KCTD14: variants seen among roughly 807,000 people sequenced by gnomAD.
The protein encoded by KCTD14 is BTB/POZ domain-containing protein KCTD14.
Under a neutral mutation model 5.9 loss-of-function variants are expected in KCTD14, and 7 were observed. The observed-to-expected ratio is 1.19, with a 90% CI of 0.68 to 2.23. The LOEUF (loss-of-function observed/expected upper bound fraction) is 2.23, where lower values mean the gene tolerates loss of function less well. Among genes scored for constraint, KCTD14 ranks in the 30% most tolerant of loss-of-function variants. The pLI is 0.00. For synonymous variants in KCTD14, 140 were observed against 133.1 expected (o/e 1.05, Z -0.36); for missense variants, 342 against 332.2 (o/e 1.03, Z -0.23).
chr11:78,043,753 A>G (rs1177085028), intron 1 of KCTD14, among the ~76,000 whole-genome samples: 2 of 152,188 alleles, frequency 1.3e-5, no homozygotes, highest in African/African-American at 4.8e-5. Flanking sequence ...TGCAGCCCAC[A>G]TGCAGCTGAC....
chr11:78,023,434 C>T, upstream of KCTD14: 1 of 581,636 alleles, frequency 1.7e-6, no homozygotes, highest in East Asian at 3.1e-5. Flanking sequence ...GAAGGGCTGA[C>T]TTTGGAGACC....
chr11:78,040,218 T>C (rs1338294068), intron 1 of KCTD14, among the ~76,000 whole-genome samples: 4 of 152,236 alleles, frequency 2.6e-5, no homozygotes, highest in Non-Finnish European at 2.9e-5. Context: ...GTGTCATGTC[T>C]TCCTGGAATC....
At chr11:78,024,396 AAATAT>A (rs1857391622), upstream of KCTD14, among the ~76,000 whole-genome samples, 1 of 99,920 alleles carries the variant, frequency 1.0e-5, no homozygotes, top group Middle Eastern at 4.8e-3. Context: ...AAAAAAAAAA[AAATAT>A]ATATATATAT....
In KCTD14 at chr11:78,028,460, G is replaced by A. The variant is rs548634810; in HGVS notation, c.-1+10204C>T. On this transcript the variant is annotated intron_variant, in intron 2 of 2. Transcript: ENST00000533144. ...TCTACTAAAAATACAAAAATTAGCC[G>A]GGCATGGTGGCATGCGCCTATAGTC... is the stretch of plus-strand genomic sequence containing the variant. Among the ~76,000 whole-genome samples the A allele has an allele frequency of 9.2e-5, 14 of 152,128 alleles. No homozygotes were observed. The East Asian group carries it at 1.4e-3, about 15-fold the overall frequency.
upstream of KCTD14, chr11:78,023,333 G>C: frequency 1.5e-6 from 2 of 1,352,102 alleles, no homozygotes; most frequent in Non-Finnish European, 2.1e-6. Context: ...ACGGGGCTGA[G>C]CCAGGCGTGG....
At chr11:78,023,119 G>A in intron 1 of KCTD14, 41 bp downstream of exon 1, 1 of 1,335,596 alleles carries the variant, frequency 7.5e-7, no homozygotes, top group South Asian at 1.3e-5. Flanking sequence ...GGGAAGAGGC[G>A]GAGGACAGAG....
chr11:78,043,949 A>G (rs986379735), intron 1 of KCTD14, among the ~76,000 whole-genome samples: 1 of 152,338 alleles, frequency 6.6e-6, no homozygotes, highest in East Asian at 1.9e-4. Flanking sequence ...CCCCAAAGGC[A>G]GAAACAAGGC....
chr11:78,017,309 T>C, intron 1 of KCTD14, 39 bp from the exon 2 acceptor site: 1 of 1,525,628 alleles, frequency 6.6e-7, no homozygotes, highest in Non-Finnish European at 8.8e-7. Flanking sequence ...ACACGCCATC[T>C]CCCCTGAGCG....
chr11:78,022,004 T>C (rs1458284004), intron 1 of KCTD14, among the ~76,000 whole-genome samples: 3 of 152,168 alleles, frequency 2.0e-5, no homozygotes, highest in Admixed American at 6.6e-5. Context: ...TGAATTCCTC[T>C]GGGAGTCCTT....
At chr11:78,026,681 A>G (rs1260320361), upstream of KCTD14, among the ~76,000 whole-genome samples, 1 of 152,066 alleles carries the variant, frequency 6.6e-6, no homozygotes, top group African/African-American at 2.4e-5. Flanking sequence ...AGGCAAGAGG[A>G]TCTCTTGAGC....
At chr11:78,027,796 T>A (rs1857507072), upstream of KCTD14, among the ~76,000 whole-genome samples, 1 of 152,004 alleles carries the variant, frequency 6.6e-6, no homozygotes, top group Admixed American at 6.6e-5. Flanking sequence ...TAGACCAAGG[T>A]TTTATCATGC....
chr11:78,034,763 C>A (rs1025575374), intron 2 of KCTD14, among the ~76,000 whole-genome samples: 1 of 152,148 alleles, frequency 6.6e-6, no homozygotes, highest in African/African-American at 2.4e-5. Flanking sequence ...CTGCTCACCG[C>A]GGCCTCAGTG....
At chr11:78,040,949 T>C (rs2372889) in intron 1 of KCTD14, among the ~76,000 whole-genome samples, 121,411 of 152,174 alleles carry the variant, frequency 0.8, 48,619 homozygotes, top group Non-Finnish European at 0.82. Flanking sequence ...GGATTATAGG[T>C]GTGAGCCACC....
intron 2 of KCTD14, among the ~76,000 whole-genome samples, chr11:78,037,744 G>A (rs748298399): frequency 3.3e-5 from 5 of 152,018 alleles, no homozygotes; most frequent in Non-Finnish European, 5.9e-5. Flanking sequence ...GCTTGAACCC[G>A]GGAGGCAGAG....
At chr11:78,038,708 G>T in exon 2 of KCTD14, 2 of 1,535,724 alleles carry the variant, frequency 1.3e-6, no homozygotes, top group Non-Finnish European at 1.7e-6. Context: ...AACACAGCAG[G>T]GGTGTCAGAG....
chr11:78,043,469 T>G (rs931915766), intron 1 of KCTD14, among the ~76,000 whole-genome samples: 3 of 152,102 alleles, frequency 2.0e-5, no homozygotes, highest in African/African-American at 7.2e-5. Flanking sequence ...ATGAAACAAT[T>G]AAACATACTC....
intron 2 of KCTD14, among the ~76,000 whole-genome samples, chr11:78,033,862 TAAC>T (rs1415167287): frequency 7.2e-5 from 10 of 138,376 alleles, no homozygotes; most frequent in South Asian, 2.4e-4. Context: ...AAAAAAAAGA[TAAC>T]AAAGAAAATA....
chr11:78,027,009 G>T (rs1477648414), upstream of KCTD14, among the ~76,000 whole-genome samples: 1 of 152,088 alleles, frequency 6.6e-6, no homozygotes, highest in Admixed American at 6.6e-5. Context: ...TGAGGCAGGA[G>T]AATTGCTTGA....
upstream of KCTD14, among the ~76,000 whole-genome samples, chr11:78,025,001 G>GTATA (rs148551725): frequency 5.5e-5 from 8 of 144,368 alleles, no homozygotes; most frequent in Non-Finnish European, 9.0e-5. Context: ...ACATATATTT[G>GTATA]TATATATATA....
Sources: gnomAD v4.1 joint callset for allele counts (sites outside exome capture counted in the v4.1 genomes callset) on GRCh38, gnomAD v4.1.1 for gene constraint, MANE v1.5 for transcripts, NCBI Gene and HGNC (gene_info 2026-07-23, HGNC 2026-07-21) for gene names.